Variants in PLEKHA5 observed in about 807,000 individuals in gnomAD.
PLEKHA5 encodes the protein pleckstrin homology domain-containing family A member 5.
A neutral mutation model predicts 181.9 loss-of-function variants in PLEKHA5; 55 were observed. The observed-to-expected ratio is 0.30, with a 90% CI of 0.24 to 0.38. The LOEUF (loss-of-function observed/expected upper bound fraction) is 0.38, where lower values mean the gene tolerates loss of function less well. Ranked by LOEUF, PLEKHA5 falls within the 10% of genes least tolerant of loss-of-function variation. The pLI, the probability that PLEKHA5 is intolerant of heterozygous loss-of-function variation, is 1.00. For synonymous variants in PLEKHA5, 535 were observed against 529.4 expected (o/e 1.01, Z -0.15); for missense variants, 1,432 against 1,549.5 (o/e 0.92, Z 1.27).
rs2093238071 is a variant in PLEKHA5, at chr12:19,334,832, ATATATATATATATATATATATAT to A, written c.2449-1682_2449-1660del. Among the ~76,000 whole-genome samples the A allele has an allele frequency of 7.9e-5, 2 of 25,344 alleles. 1 individual carries two copies. Among genetic ancestry groups the A allele is most frequent in the African/African-American group, 2.3e-4 (2 of 8,736 alleles). 16.6% of individuals were successfully genotyped at this position (25,344 alleles called of 152,430 possible). ...TCCTGTCTTCACAAAAAAAAAAAAT[ATATATATATATATATATATATAT>A]ATATATATATATATCTCTGTATACG... On this transcript the variant is annotated intron_variant, in intron 20 of 31. Transcript: ENST00000429027.
At chr12:19,278,344 CAA>C (rs2075162749) in intron 11 of PLEKHA5, among the ~76,000 whole-genome samples, 2 of 152,198 alleles carry the variant, frequency 1.3e-5, no homozygotes, top group South Asian at 2.1e-4. Flanking sequence ...GAGCACTTGA[CAA>C]AAGTGTTTTA....
intron 31 of PLEKHA5, chr12:19,372,932 A>T (rs571182007): frequency 1.3e-5 from 2 of 151,708 alleles, no homozygotes; most frequent in Admixed American, 6.6e-5. Context: ...AGCCTGGCTG[A>T]TTTTTTTGTA....
chr12:19,293,023 A>G (rs2078861689), intron 15 of PLEKHA5, among the ~76,000 whole-genome samples: 1 of 152,122 alleles, frequency 6.6e-6, no homozygotes, highest in South Asian at 2.1e-4. Context: ...TTTGTTGGGA[A>G]TTTTTTGTTA....
rs569760854 is a variant in PLEKHA5 at position 19,304,101 on chromosome 12, G to A, written c.2038-10713G>A. On this transcript the variant is annotated intron_variant, in intron 15 of 31. Coordinates refer to ENST00000429027, the MANE Select transcript of PLEKHA5 (RefSeq NM_001256470.2). The stretch of plus-strand genomic sequence containing the variant: ...TGGTACTATAGGCGTGAGCCACCGC[G>A]CATGGCCGAGACCCCATCTCTTAAG... Among the ~76,000 whole-genome samples the A allele has an allele frequency of 2.6e-3, 393 of 150,336 alleles. 1 individual carries two copies. The highest frequency in any genetic ancestry group is 0.017 in the Middle Eastern group (5 of 294).
At chr12:19,210,436 A>G (rs1003659541) in intron 3 of PLEKHA5, among the ~76,000 whole-genome samples, 3 of 152,162 alleles carry the variant, frequency 2.0e-5, no homozygotes, top group Non-Finnish European at 2.9e-5. Context: ...AACATGAATG[A>G]TTTCCGGTGG....
At chr12:19,251,348 A>G (rs1467949137) in intron 3 of PLEKHA5, among the ~76,000 whole-genome samples, 2 of 151,400 alleles carry the variant, frequency 1.3e-5, no homozygotes, top group Non-Finnish European at 2.9e-5. Flanking sequence ...CAGAGGTTGC[A>G]GTGATCTGAG....
chr12:19,272,827 TTTTATG>T (rs1350869895), intron 10 of PLEKHA5, among the ~76,000 whole-genome samples: 1 of 152,208 alleles, frequency 6.6e-6, no homozygotes, highest in African/African-American at 2.4e-5. Flanking sequence ...TTTTCAGTTA[TTTTATG>T]TTTAATGTTA....
rs962432001 is a variant in PLEKHA5 at position 19,130,646 on chromosome 12, C to G, written c.169+516C>G. On this transcript the variant is annotated intron_variant, in intron 2 of 31. Coordinates refer to ENST00000429027, the MANE Select transcript of PLEKHA5 (RefSeq NM_001256470.2). This position sits in a 1 kb window ranked among gnomAD's most constrained non-coding sequence, Gnocchi z 4.5. The stretch of plus-strand genomic sequence containing the variant: ...GCGCTGCCTCCTGCCGTGCAGCTTC[C>G]TCCTCCTAGGTGGGACTTGTGGGTA... 1 of 152,528 alleles carries G rather than the reference C, an allele frequency of 6.6e-6. No homozygotes were observed. The highest frequency in any genetic ancestry group is 2.4e-5 in the African/African-American group (1 of 41,450). The allele number at this position is 152,528 out of a possible 1,614,324, so 9.4% of individuals were successfully genotyped here. A position where few individuals can be genotyped will look rare whatever the true frequency, so the allele number is the denominator to read the frequency against.
chr12:19,177,675 A>G (rs953054674), intron 3 of PLEKHA5, among the ~76,000 whole-genome samples: 1 of 152,334 alleles, frequency 6.6e-6, no homozygotes, highest in African/African-American at 2.4e-5. Flanking sequence ...TGTTTGAACT[A>G]TGGCATGCCC....
chr12:19,163,684 A>G (rs1024508963), intron 3 of PLEKHA5, among the ~76,000 whole-genome samples: 7 of 151,578 alleles, frequency 4.6e-5, no homozygotes, highest in African/African-American at 1.7e-4. Flanking sequence ...CTATCTATCT[A>G]TCTATCTATC....
chr12:19,218,907 T>G (rs1282408431), intron 3 of PLEKHA5, among the ~76,000 whole-genome samples: 1 of 14,858 alleles, frequency 6.7e-5, no homozygotes, highest in African/African-American at 8.9e-5. Context: ...ATTATTATTA[T>G]TTTTTTTTTT....
intron 15 of PLEKHA5, chr12:19,307,074 C>T: frequency 1.6e-6 from 2 of 1,280,152 alleles, no homozygotes; most frequent in South Asian, 2.4e-5. Context: ...CAATCTGTTG[C>T]CACAGATAGT....
chr12:19,141,779 GTGGTGGA>G (rs368703642), intron 3 of PLEKHA5, among the ~76,000 whole-genome samples: 116,579 of 152,032 alleles, frequency 0.77, 47,894 homozygotes, highest in Non-Finnish European at 0.92. Context: ...GAACTTCACT[GTGGTGGA>G]AACCTCACCC....
chr12:19,285,048 C>A (rs1479517067), intron 12 of PLEKHA5, among the ~76,000 whole-genome samples: 2 of 152,152 alleles, frequency 1.3e-5, no homozygotes, highest in East Asian at 3.8e-4. Flanking sequence ...CTTGATATTT[C>A]CATAAATAAG....
At chr12:19,232,039 G>A (rs913583065) in intron 3 of PLEKHA5, among the ~76,000 whole-genome samples, 2 of 152,056 alleles carry the variant, frequency 1.3e-5, no homozygotes, top group African/African-American at 2.4e-5. Flanking sequence ...ACAAGGACAC[G>A]GGGAAGAAAT....
chr12:19,144,450 C>A (rs540971448), intron 3 of PLEKHA5, among the ~76,000 whole-genome samples: 3 of 152,056 alleles, frequency 2.0e-5, no homozygotes, highest in East Asian at 3.9e-4. Context: ...GAGGAATTAT[C>A]CTAGGAGAAC....
rs985511651 is a variant in PLEKHA5, at chr12:19,173,466, A to C, written c.227+41016A>C. 2.6e-5 allele frequency among the ~76,000 whole-genome samples: 4 copies of C among 152,300 alleles called. No individual in the cohort carries two copies. In the East Asian group the frequency reaches 7.7e-4, roughly 29 times the overall value. On this transcript the variant is annotated intron_variant, in intron 3 of 31. Transcript: ENST00000429027. The stretch of plus-strand genomic sequence containing the variant: ...TAGTAAAGAAAGGATTCTCCAAAAA[A>C]AAAAATGTGCTCCATTATCGGAGCC...
chr12:19,145,100 T>A (rs1050888178), intron 3 of PLEKHA5, among the ~76,000 whole-genome samples: 2 of 152,170 alleles, frequency 1.3e-5, no homozygotes, highest in African/African-American at 4.8e-5. Flanking sequence ...AAAGTACCTA[T>A]GCTAGTAATC....
chr12:19,227,068 T>C (rs1273656262), intron 3 of PLEKHA5, among the ~76,000 whole-genome samples: 2 of 152,184 alleles, frequency 1.3e-5, no homozygotes, highest in Non-Finnish European at 2.9e-5. Context: ...CTTAAAGTTT[T>C]GGCAGCTTAA....
Sources: gnomAD v4.1 joint callset for allele counts (sites outside exome capture counted in the v4.1 genomes callset) on GRCh38, gnomAD v4.1.1 for gene constraint, Gnocchi (gnomAD v3.1) non-coding constraint, MANE v1.5 for transcripts, NCBI Gene and HGNC (gene_info 2026-07-23, HGNC 2026-07-21) for gene names.